The following THEM4 variants were observed in gnomAD, a reference collection of about 807,000 sequenced individuals.
THEM4 encodes the protein acyl-coenzyme A thioesterase THEM4.
A neutral mutation model predicts 25.0 loss-of-function variants in THEM4; 22 were observed. The observed-to-expected ratio is 0.88, with a 90% CI of 0.63 to 1.26. The LOEUF is 1.26. Among genes scored for constraint, THEM4 ranks in the 50% most tolerant of loss-of-function variants. The probability of loss-of-function intolerance (pLI) is 0.00; values close to 1 mark genes in which losing one functional copy is unlikely to be tolerated. For missense variants in THEM4, 286 were observed against 300.3 expected, an observed-to-expected ratio of 0.95 and a Z score of 0.35; for synonymous variants, 113 against 105.6, an observed-to-expected ratio of 1.07 and a Z score of -0.43.
chr1:151,885,002 C>G (rs974542259), intron 4 of THEM4, among the ~76,000 whole-genome samples: 1 of 150,748 alleles, frequency 6.6e-6, no homozygotes, highest in Non-Finnish European at 1.5e-5. Flanking sequence ...TCTCATTTCT[C>G]AAAGTTTTAT....
intron 4 of THEM4, among the ~76,000 whole-genome samples, chr1:151,885,785 G>A (rs1186993343): frequency 6.6e-6 from 1 of 152,216 alleles, no homozygotes; most frequent in African/African-American, 2.4e-5. Context: ...AATCAAGTGG[G>A]ATATTTGGAT....
chr1:151,894,777 C>G, intron 2 of THEM4: 1 of 612,680 alleles, frequency 1.6e-6, no homozygotes, highest in East Asian at 2.7e-5. Flanking sequence ...TTCACTCTTG[C>G]TAATGGTGAT....
At chr1:151,895,408 C>G (rs934575308) in intron 1 of THEM4, among the ~76,000 whole-genome samples, 5 of 152,164 alleles carry the variant, frequency 3.3e-5, no homozygotes, top group African/African-American at 1.2e-4. Context: ...CATCACCCAG[C>G]GAGCTATTGA....
chr1:151,875,001 A>C, intron 5 of THEM4, 73 bp from the exon 6 acceptor site: 1 of 1,144,478 alleles, frequency 8.7e-7, no homozygotes, highest in Non-Finnish European at 1.3e-6. Context: ...CTAAATAGAA[A>C]GACATATACA....
At chr1:151,889,191 C>T (rs1248216331) in intron 3 of THEM4, 23 bp downstream of exon 3, 3 of 1,608,046 alleles carry the variant, frequency 1.9e-6, no homozygotes, top group Non-Finnish European at 2.5e-6. Context: ...TTTAGATCCA[C>T]ACTTTCAGGC....
chr1:151,891,796 C>T lies in THEM4; in HGVS notation c.287-2423G>A, dbSNP rs566486346. On this transcript the variant is annotated intron_variant, in intron 2 of 5. Coordinates refer to ENST00000368814, the MANE Select transcript of THEM4 (RefSeq NM_053055.5). ...AAACTGAGGAGCCACTGTGTAGATGCTCGAGTTGCTGAGGATGCTGAATGG... is the reference window on the plus strand; with the variant it reads ...AAACTGAGGAGCCACTGTGTAGATGTTCGAGTTGCTGAGGATGCTGAATGG... Among the ~76,000 whole-genome samples, 6 of 150,842 alleles carry T rather than the reference C, an allele frequency of 4.0e-5. No individual in the cohort carries two copies. The South Asian group carries it at 1.3e-3, about 32-fold the overall frequency.
Position 151,895,040 on chromosome 1 carries a change from T to A in THEM4, c.254A>T (p.Glu85Val). ...ATGGGTTTTGAAGTCTTGAATCCAT[T>A]CAGTAGGTGTACGTTTATATGAAGG... The part of the protein sequence containing the change: ...RLPSYKRTPT[E>V]WIQDFKTHFL... The change falls in exon 2 of 6, where the codon GAA becomes GTA. Residue 85 changes from glutamate to valine, a missense_variant. Transcript: ENST00000368814. The A allele has an allele frequency of 2.5e-6, 4 of 1,614,174 alleles. No homozygotes were observed. Among genetic ancestry groups the A allele is most frequent in the Non-Finnish European group, 3.4e-6 (4 of 1,180,040 alleles).
intron 1 of THEM4, among the ~76,000 whole-genome samples, chr1:151,906,220 T>G (rs1457262281): frequency 2.0e-5 from 3 of 152,204 alleles, no homozygotes; most frequent in African/African-American, 7.2e-5. Context: ...TGGCGGGCCC[T>G]GCACTCGGAG....
intron 1 of THEM4, among the ~76,000 whole-genome samples, chr1:151,899,364 G>A (rs989360140): frequency 2.0e-5 from 3 of 151,948 alleles, no homozygotes; most frequent in Admixed American, 6.6e-5. Context: ...GGTGGCACAC[G>A]CCTGTAGTTC....
chr1:151,875,746 A>G (rs1045372749), intron 5 of THEM4, among the ~76,000 whole-genome samples: 2 of 152,300 alleles, frequency 1.3e-5, no homozygotes, highest in Non-Finnish European at 2.9e-5. Flanking sequence ...TTGACTGGCA[A>G]AAATCATGAA....
chr1:151,871,303 C>T lies in THEM4; in HGVS notation c.*3585G>A, dbSNP rs565107616. Reference sequence around the variant, plus strand: ...TTGTGTCTCTGCATTCCAGCCCAGGCGACAGAGCCAGACCCTGTCTTGAAA... The same window carrying T: ...TTGTGTCTCTGCATTCCAGCCCAGGTGACAGAGCCAGACCCTGTCTTGAAA... On this transcript the variant is annotated 3_prime_UTR_variant, in exon 6 of 6. Transcript: ENST00000368814. 7.5e-6 allele frequency among the ~76,000 whole-genome samples: 1 copy of T among 132,802 alleles called. No individual in the cohort carries two copies. Among genetic ancestry groups the T allele is most frequent in the East Asian group, 2.2e-4 (1 of 4,522 alleles). The allele number at this position is 132,802 out of a possible 152,430, so 87.1% of individuals were successfully genotyped here.
Position 151,909,269 on chromosome 1 carries a change from T to C in THEM4, c.99+91A>G, listed in dbSNP as rs150889260. The C allele has an allele frequency of 3.3e-4, 358 of 1,083,764 alleles. 1 individual carries two copies. The African/African-American group carries it at 5.2e-3, about 16-fold the overall frequency. The allele number at this position is 1,083,764 out of a possible 1,614,324, so 67.1% of individuals were successfully genotyped here. A position where few individuals can be genotyped will look rare whatever the true frequency, so the allele number is the denominator to read the frequency against. ...GAGCTTTTATTCTGAGATTGGCTGGTTGGGGTATGGATAACAATCGAAGGC... is the reference window on the plus strand; with the variant it reads ...GAGCTTTTATTCTGAGATTGGCTGGCTGGGGTATGGATAACAATCGAAGGC... On this transcript the variant is annotated intron_variant, in intron 1 of 5. Coordinates refer to ENST00000368814, the MANE Select transcript of THEM4 (RefSeq NM_053055.5).
At chr1:151,886,889 ACTAGAAGTC>A (rs1260935594) in intron 4 of THEM4, among the ~76,000 whole-genome samples, 1 of 152,262 alleles carries the variant, frequency 6.6e-6, no homozygotes, top group African/African-American at 2.4e-5. Flanking sequence ...TCTACATGGT[ACTAGAAGTC>A]CTAGCCAGAG....
chr1:151,895,956 C>T (rs1654213269), intron 1 of THEM4, among the ~76,000 whole-genome samples: 1 of 150,656 alleles, frequency 6.6e-6, no homozygotes, highest in Non-Finnish European at 1.5e-5. Flanking sequence ...TCCTGCTTTG[C>T]CTTCTGCCAT....
chr1:151,888,228 A>G, intron 4 of THEM4, 45 bp downstream of exon 4: 1 of 1,500,054 alleles, frequency 6.7e-7, no homozygotes, highest in Non-Finnish European at 9.2e-7. Context: ...TGGGAACCTG[A>G]CTTAACAACA....
intron 4 of THEM4, among the ~76,000 whole-genome samples, chr1:151,883,191 C>G (rs1163063152): frequency 6.6e-6 from 1 of 151,714 alleles, no homozygotes; most frequent in Non-Finnish European, 1.5e-5. Flanking sequence ...AATCTCGGCT[C>G]ACTGCAACTC....
rs1393885452 is a variant in THEM4, at chr1:151,909,465, G to C, written c.-7C>G. The C allele has an allele frequency of 3.4e-5, 47 of 1,379,714 alleles. No homozygotes were observed. The highest frequency in any genetic ancestry group is 4.2e-5 in the Non-Finnish European group (45 of 1,075,674). 85.5% of individuals were successfully genotyped at this position (1,379,714 alleles called of 1,614,324 possible). On this transcript the variant is annotated 5_prime_UTR_variant, in exon 1 of 6. Transcript: ENST00000368814. ...CGGCGCAGCTCCTCAGCATGGCTCC[G>C]GGCCGCGGGGCCGCGCTTGCTCTAG...
In THEM4 at chr1:151,871,554, G is replaced by A. The variant is rs116518771; in HGVS notation, c.*3334C>T. On this transcript the variant is annotated 3_prime_UTR_variant, in exon 6 of 6. Coordinates refer to ENST00000368814, the MANE Select transcript of THEM4 (RefSeq NM_053055.5). ...AGTGCCAGGGCATGGTGAAGGCTAG[G>A]AATAGTCTGCTGCAAAGCAGGGAAG... Among the ~76,000 whole-genome samples the A allele has an allele frequency of 0.01, 1,547 of 152,308 alleles. 29 individuals are homozygous for A. Among genetic ancestry groups the A allele is most frequent in the African/African-American group, 0.036 (1,486 of 41,542 alleles).
intron 4 of THEM4, among the ~76,000 whole-genome samples, chr1:151,883,350 G>A (rs941786447): frequency 6.6e-6 from 1 of 151,920 alleles, no homozygotes; most frequent in Admixed American, 6.6e-5. Flanking sequence ...CCTGATCTCA[G>A]GTGATCCACT....
Sources: gnomAD v4.1 joint callset for allele counts (sites outside exome capture counted in the v4.1 genomes callset) on GRCh38, gnomAD v4.1.1 for gene constraint, MANE v1.5 for transcripts, NCBI Gene and HGNC (gene_info 2026-07-23, HGNC 2026-07-21) for gene names.